The following PRKN variants were observed in gnomAD, a reference collection of about 807,000 sequenced individuals.
PRKN encodes the protein parkin RBR E3 ubiquitin protein ligase, also known as E3 ubiquitin-protein ligase parkin.
Under a neutral mutation model 59.5 loss-of-function variants are expected in PRKN, and 56 were observed. The ratio of observed to expected loss-of-function variants is 0.94; its 90% CI spans 0.76 to 1.18. The LOEUF (loss-of-function observed/expected upper bound fraction) is 1.18, where lower values mean the gene tolerates loss of function less well. Among genes scored for constraint, PRKN ranks in the 50% most tolerant of loss-of-function variants. The pLI, the probability that PRKN is intolerant of heterozygous loss-of-function variation, is 0.00. For synonymous variants in PRKN, 250 were observed against 222.1 expected, an observed-to-expected ratio of 1.13 and a Z score of -1.12; for missense variants, 657 against 596.4, an observed-to-expected ratio of 1.10 and a Z score of -1.06.
chr6:162,598,721 T>C (rs991977406), intron 1 of PRKN, among the ~76,000 whole-genome samples: 2 of 151,792 alleles, frequency 1.3e-5, no homozygotes, highest in Non-Finnish European at 2.9e-5. Flanking sequence ...GGTGTGGTAG[T>C]GCATGCCTGT....
intron 4 of PRKN, among the ~76,000 whole-genome samples, chr6:162,184,881 C>T (rs764019977): frequency 6.6e-6 from 1 of 152,070 alleles, no homozygotes; most frequent in Non-Finnish European, 1.5e-5. Context: ...CAATTTTCTC[C>T]ACTTTTTAAC....
At chr6:161,745,281 T>C (rs1290692956) in intron 7 of PRKN, among the ~76,000 whole-genome samples, 2 of 152,094 alleles carry the variant, frequency 1.3e-5, no homozygotes. Context: ...TGTGGACAGG[T>C]GAAGTCAGGG....
intron 4 of PRKN, among the ~76,000 whole-genome samples, chr6:162,175,454 C>T (rs1164885523): frequency 6.6e-6 from 1 of 152,128 alleles, no homozygotes; most frequent in African/African-American, 2.4e-5. Flanking sequence ...GTATGCAACC[C>T]TTTTGTAATT....
chr6:161,928,789 G>A (rs1226015408), intron 6 of PRKN, among the ~76,000 whole-genome samples: 1 of 152,086 alleles, frequency 6.6e-6, no homozygotes, highest in Non-Finnish European at 1.5e-5. Flanking sequence ...GTCCCAAGTG[G>A]CAGGGCTGAA....
intron 3 of PRKN, among the ~76,000 whole-genome samples, chr6:162,245,381 T>A (rs368854437): frequency 6.6e-6 from 1 of 152,200 alleles, no homozygotes; most frequent in East Asian, 1.9e-4. Context: ...TACCTATCTA[T>A]AATCAAGACA....
chr6:162,298,075 C>T (rs1399014218), intron 2 of PRKN, among the ~76,000 whole-genome samples: 13 of 152,008 alleles, frequency 8.6e-5, no homozygotes. Context: ...AGGTTGACAC[C>T]CACAGGCCAA....
chr6:161,703,898 C>T (rs9364609), intron 7 of PRKN, among the ~76,000 whole-genome samples: 62,290 of 132,642 alleles, frequency 0.47, 16,656 homozygotes, highest in East Asian at 0.62. Context: ...CTCTGTCACT[C>T]AGGCTAGAGT....
chr6:161,802,344 G>A (rs1399242863), intron 6 of PRKN, among the ~76,000 whole-genome samples: 1 of 151,820 alleles, frequency 6.6e-6, no homozygotes, highest in Admixed American at 6.6e-5. Context: ...CCCACTCGCT[G>A]TGATCCAGGC....
chr6:162,264,787 C>A (rs62429432), intron 2 of PRKN: 18,445 of 152,116 alleles, frequency 0.12, 1,228 homozygotes, highest in South Asian at 0.26. Flanking sequence ...CCGCTTCGAG[C>A]CTTCCCCTCC....
At chr6:161,364,804 G>A (rs1217162142) in intron 10 of PRKN, among the ~76,000 whole-genome samples, 2 of 151,950 alleles carry the variant, frequency 1.3e-5, no homozygotes, top group Non-Finnish European at 2.9e-5. Context: ...AAGTAGCTGG[G>A]TGTGGTGCCC....
chr6:162,148,378 T>TG lies in PRKN; in HGVS notation c.534+52752dup, dbSNP rs1026292990. Among the ~76,000 whole-genome samples the TG allele has an allele frequency of 5.4e-3, 9 of 1,652 alleles. 1 individual carries two copies. The highest frequency in any genetic ancestry group is 0.021 in the Admixed American group (3 of 144). 1.1% of individuals were successfully genotyped at this position (1,652 alleles called of 152,430 possible). On this transcript the variant is annotated intron_variant, in intron 4 of 11. Transcript: ENST00000366898. ...GTTTGGGTTTCCACGCCTAAGAGCT[T>TG]GAAAAAAAAAGACTTTAGAACATGG... is the stretch of plus-strand genomic sequence containing the variant.
chr6:161,693,276 A>C (rs1438074242), intron 7 of PRKN, among the ~76,000 whole-genome samples: 1 of 152,162 alleles, frequency 6.6e-6, no homozygotes, highest in Non-Finnish European at 1.5e-5. Context: ...TCTGTCTTTT[A>C]ATTTATCTAA....
At chr6:161,374,945 C>T (rs1484361729) in intron 10 of PRKN, among the ~76,000 whole-genome samples, 1 of 152,108 alleles carries the variant, frequency 6.6e-6, no homozygotes, top group Non-Finnish European at 1.5e-5. Context: ...AATCCAAAAG[C>T]CTTCAGGACA....
chr6:161,901,976 T>G (rs1777933756), intron 6 of PRKN, among the ~76,000 whole-genome samples: 1 of 152,130 alleles, frequency 6.6e-6, no homozygotes, highest in Non-Finnish European at 1.5e-5. Context: ...GCACATTAAG[T>G]GATGAATCAG....
At chr6:162,301,788 G>GAT (rs1490902450) in intron 2 of PRKN, among the ~76,000 whole-genome samples, 2 of 113,820 alleles carry the variant, frequency 1.8e-5, no homozygotes, top group African/African-American at 3.1e-5. Context: ...CGGGGCGGGG[G>GAT]GGGGGTGCAG....
intron 7 of PRKN, among the ~76,000 whole-genome samples, chr6:161,610,471 AATGTAT>A (rs550226150): frequency 6.8e-6 from 1 of 147,928 alleles, no homozygotes; most frequent in Non-Finnish European, 1.5e-5. Context: ...AACTAAGAAA[AATGTAT>A]ATGTATATTA....
chr6:162,525,019 T>C (rs1778223868), intron 1 of PRKN, among the ~76,000 whole-genome samples: 1 of 152,156 alleles, frequency 6.6e-6, no homozygotes, highest in African/African-American at 2.4e-5. Flanking sequence ...GAAACAAATA[T>C]GCTTTCCTAC....
chr6:162,157,298 G>T (rs1289739769), intron 4 of PRKN, among the ~76,000 whole-genome samples: 1 of 151,572 alleles, frequency 6.6e-6, no homozygotes, highest in East Asian at 2.0e-4. Flanking sequence ...GCTAGCTCCT[G>T]GCTTTGTTTC....
Position 161,622,898 on chromosome 6 carries a change from C to T in PRKN, c.872-53482G>A, listed in dbSNP as rs549642516. Reference sequence around the variant, plus strand: ...AACTGAAAAAGAATCACACCTACATCAAACCTATGCAGTTTGGAAATCATC... The same window carrying T: ...AACTGAAAAAGAATCACACCTACATTAAACCTATGCAGTTTGGAAATCATC... On this transcript the variant is annotated intron_variant, in intron 7 of 11. Transcript: ENST00000366898. Among the ~76,000 whole-genome samples the T allele has an allele frequency of 5.9e-5, 9 of 152,348 alleles. No homozygotes were observed. The South Asian group carries it at 1.7e-3, about 28-fold the overall frequency.
Sources: gnomAD v4.1 joint callset for allele counts (sites outside exome capture counted in the v4.1 genomes callset) on GRCh38, gnomAD v4.1.1 for gene constraint, MANE v1.5 for transcripts, NCBI Gene and HGNC (gene_info 2026-07-23, HGNC 2026-07-21) for gene names.